Variants in HLA-F observed in about 807,000 individuals in gnomAD.
HLA-F encodes the protein HLA class I histocompatibility antigen, alpha chain F.
In HLA-F, 46 loss-of-function variants were observed where a neutral mutation model predicts 49.5. That is an observed-to-expected ratio of 0.93 (90% CI 0.73 to 1.19). HLA-F has a LOEUF of 1.19. Ranked by LOEUF, HLA-F falls within the 50% of genes most tolerant of loss-of-function variation. HLA-F has a pLI of 0.00. For missense variants in HLA-F, 496 were observed against 579.6 expected (o/e 0.86, Z 1.48); for synonymous variants, 203 against 233.5 (o/e 0.87, Z 1.19).
At chr6:29,734,128 C>T (rs1228335703) in intron 3 of HLA-F, among the ~76,000 whole-genome samples, 2 of 152,216 alleles carry the variant, frequency 1.3e-5, no homozygotes, top group African/African-American at 4.8e-5. Context: ...AGAGGGTGCA[C>T]ATCCAGTGAA....
downstream of HLA-F, among the ~76,000 whole-genome samples, chr6:29,730,598 A>C (rs889902772): frequency 1.1e-4 from 16 of 152,052 alleles, no homozygotes; most frequent in African/African-American, 2.7e-4. Context: ...ACTAAATCCA[A>C]TCACTTTTCA....
At chr6:29,733,031 T>C (rs1456985154) in intron 3 of HLA-F, among the ~76,000 whole-genome samples, 2 of 151,946 alleles carry the variant, frequency 1.3e-5, no homozygotes, top group Non-Finnish European at 1.5e-5. Context: ...CTACTAAAAA[T>C]ACAAAAAATT....
chr6:29,736,544 G>A (rs767493823), intron 3 of HLA-F: 7 of 360,930 alleles, frequency 1.9e-5, no homozygotes, highest in South Asian at 4.1e-5. Context: ...TAAGTGGGCC[G>A]TGGATTTTCA....
intron 3 of HLA-F, among the ~76,000 whole-genome samples, chr6:29,732,805 T>C (rs1776739139): frequency 6.6e-6 from 1 of 152,192 alleles, no homozygotes; most frequent in Admixed American, 6.5e-5. Flanking sequence ...TGTAAAATAA[T>C]ACATTCAAAA....
At chr6:29,723,581 GC>G in intron 1 of HLA-F, 54 bp downstream of exon 1, 2 of 1,596,950 alleles carry the variant, frequency 1.3e-6, no homozygotes, top group Non-Finnish European at 1.7e-6. Flanking sequence ...TGAGGGGCCC[GC>G]CCGGTGGGGG....
rs1433782786 is a variant in HLA-F at position 29,727,032 on chromosome 6, T to C, written c.1186T>C (p.Leu396=). ...GGGTGACATGTGGATCTTGTTTTTT[T>C]TGTGGCTGTGGACATCTTTCAACAC... is the stretch of plus-strand genomic sequence containing the variant. ...KVGDMWILFF[L]WLWTSFNTAF... The change falls in exon 7 of 7, where the codon TTG becomes CTG. Residue 396 remains leucine (L), a synonymous_variant. Transcript: ENST00000259951. 3 of 1,613,462 alleles carry C rather than the reference T, an allele frequency of 1.9e-6. No individual in the cohort carries two copies. Among genetic ancestry groups the C allele is most frequent in the Non-Finnish European group, 1.7e-6 (2 of 1,180,038 alleles).
chr6:29,737,218 C>CAA (rs3030698), intron 3 of HLA-F, among the ~76,000 whole-genome samples: 3,047 of 64,950 alleles, frequency 0.047, 143 homozygotes, highest in African/African-American at 0.085. Context: ...ATCCTCATGG[C>CAA]AAAAAAAAAA....
chr6:29,723,844 C>T lies in HLA-F; in HGVS notation c.251C>T (p.Thr84Ile). The T allele has an allele frequency of 2.5e-6, 4 of 1,599,648 alleles. No homozygotes were observed. The highest frequency in any genetic ancestry group is 3.4e-6 in the Non-Finnish European group (4 of 1,173,654). ...GAGGGGCCGCAGTATTGGGAGTGGA[C>T]CACAGGGTACGCCAAGGCCAACGCA... is the stretch of plus-strand genomic sequence containing the variant. The part of the protein sequence containing the change: ...EQEGPQYWEW[T>I]TGYAKANAQT... The change falls in exon 2 of 7, where the codon ACC becomes ATC. Residue 84 changes from threonine (T) to isoleucine (I), a missense_variant. By Grantham distance (89) the Thr-to-Ile change is moderately conservative. Coordinates refer to ENST00000259951, the MANE Select transcript of HLA-F (RefSeq NM_001098479.2).
chr6:29,726,207 G>A (rs2127589780), intron 6 of HLA-F, 164 bp downstream of exon 6: 1 of 933,410 alleles, frequency 1.1e-6, no homozygotes, highest in Non-Finnish European at 1.8e-6. Context: ...GCTCTGGGGT[G>A]TCTCTCACAG....
downstream of HLA-F, chr6:29,728,813 G>A (rs1429690200): frequency 6.6e-6 from 1 of 152,128 alleles, no homozygotes; most frequent in African/African-American, 2.4e-5. Flanking sequence ...CTCAATTTGG[G>A]ACTGCAGCAG....
At position 29,733,279 on chromosome 6, in the gene HLA-F, C is replaced by CT. The variant is rs560651778; in HGVS notation, c.404-4842dup. Among the ~76,000 whole-genome samples, 778 of 152,238 alleles carry CT rather than the reference C, an allele frequency of 5.1e-3. 19 individuals carry two copies. In the South Asian group the frequency reaches 0.059, roughly 12 times the overall value. ...ACAGCTCCAGGGACCAACAGTCACA[C>CT]TGAGTCCAGGAAGGTTCAACAATAC... On this transcript the variant is annotated intron_variant, in intron 3 of 4. Coordinates refer to the HLA-F transcript ENST00000465459.
intron 5 of HLA-F, 102 bp downstream of exon 5, chr6:29,725,665 C>A: frequency 1.0e-6 from 1 of 998,452 alleles, no homozygotes; most frequent in Non-Finnish European, 1.6e-6. Context: ...AAGCACCATC[C>A]ACACTCATGG....
At chr6:29,726,767 T>C in intron 6 of HLA-F, 116 bp from the exon 7 acceptor site, 1 of 1,268,984 alleles carries the variant, frequency 7.9e-7, no homozygotes, top group South Asian at 1.2e-5. Context: ...ATCAGAGTGT[T>C]GACTTTGGCC....
intron 3 of HLA-F, among the ~76,000 whole-genome samples, chr6:29,737,218 C>CAAAAAA (rs3030698): frequency 0.035 from 2,288 of 65,130 alleles, 127 homozygotes; most frequent in East Asian, 0.094. Flanking sequence ...ATCCTCATGG[C>CAAAAAA]AAAAAAAAAA....
downstream of HLA-F, among the ~76,000 whole-genome samples, chr6:29,731,092 C>T (rs1321525021): frequency 6.6e-6 from 1 of 152,172 alleles, no homozygotes; most frequent in Non-Finnish European, 1.5e-5. Context: ...CCATTCCCGC[C>T]ACTCCCACCA....
chr6:29,724,150 G>A, intron 2 of HLA-F, 23 bp from the exon 3 acceptor site: 1 of 1,612,594 alleles, frequency 6.2e-7, no homozygotes, highest in Non-Finnish European at 8.5e-7. Flanking sequence ...AGCTGGGCGG[G>A]GCTGACTGCG....
chr6:29,729,886 A>T (rs570580804), downstream of HLA-F, among the ~76,000 whole-genome samples: 321 of 152,378 alleles, frequency 2.1e-3, 1 homozygote, highest in African/African-American at 7.4e-3. Context: ...CAATAGGCAC[A>T]TGAAAATATG....
downstream of HLA-F, among the ~76,000 whole-genome samples, chr6:29,732,123 C>G (rs1016419759): frequency 2.4e-5 from 3 of 122,460 alleles, no homozygotes; most frequent in Non-Finnish European, 5.3e-5. Context: ...TGCCACCATG[C>G]CCAGCTAATT....
chr6:29,723,646 C>A lies in HLA-F; in HGVS notation c.65-12C>A. Reference sequence around the variant, plus strand: ...GAGGGTCTGGCGGGTCTCAGCCCCTCCTCGCCCCCAGGCTCCCACTCCTTG... The same window carrying A: ...GAGGGTCTGGCGGGTCTCAGCCCCTACTCGCCCCCAGGCTCCCACTCCTTG... On this transcript the variant is annotated splice_polypyrimidine_tract_variant and intron_variant, in intron 1 of 6. Coordinates refer to ENST00000259951, the MANE Select transcript of HLA-F (RefSeq NM_001098479.2). 1 of 1,606,494 alleles carries A rather than the reference C, an allele frequency of 6.2e-7. No homozygotes were observed. Among genetic ancestry groups the A allele is most frequent in the Non-Finnish European group, 8.5e-7 (1 of 1,176,588 alleles).
Sources: gnomAD v4.1 joint callset for allele counts (sites outside exome capture counted in the v4.1 genomes callset) on GRCh38, gnomAD v4.1.1 for gene constraint, MANE v1.5 for transcripts, NCBI Gene and HGNC (gene_info 2026-07-23, HGNC 2026-07-21) for gene names.